The following ZEB1 variants were observed in gnomAD, a reference collection of about 807,000 sequenced individuals.
The protein encoded by ZEB1 is zinc finger E-box binding homeobox 1.
A neutral mutation model predicts 84.9 loss-of-function variants in ZEB1; 21 were observed. The ratio of observed to expected loss-of-function variants is 0.25; its 90% confidence interval spans 0.18 to 0.36. ZEB1 has a LOEUF of 0.36. Among genes scored for constraint, ZEB1 ranks in the 10% least tolerant of loss-of-function variants. The probability of loss-of-function intolerance (pLI) is 1.00; values close to 1 mark genes in which losing one functional copy is unlikely to be tolerated. For synonymous variants in ZEB1, 420 were observed against 471.1 expected, an observed-to-expected ratio of 0.89 and a Z score of 1.41; for missense variants, 1,104 against 1,330.2, an observed-to-expected ratio of 0.83 and a Z score of 2.65.
intron 1 of ZEB1, among the ~76,000 whole-genome samples, chr10:31,342,374 C>A (rs1227009404): frequency 2.6e-5 from 4 of 152,070 alleles, no homozygotes; most frequent in Non-Finnish European, 5.9e-5. Context: ...GTCTGGAGAT[C>A]TCTCTGAGGA....
At chr10:31,414,544 C>A (rs565722069) in intron 1 of ZEB1, among the ~76,000 whole-genome samples, 1 of 152,152 alleles carries the variant, frequency 6.6e-6, no homozygotes, top group Non-Finnish European at 1.5e-5. Flanking sequence ...CTACTACATG[C>A]AACTGATTAT....
intron 1 of ZEB1, among the ~76,000 whole-genome samples, chr10:31,448,985 G>A (rs1232149809): frequency 6.6e-6 from 1 of 152,224 alleles, no homozygotes; most frequent in African/African-American, 2.4e-5. Flanking sequence ...ATCAAGCCTG[G>A]GCAATGGCGG....
At chr10:31,494,590 CAT>C (rs1420641534) in intron 2 of ZEB1, among the ~76,000 whole-genome samples, 1 of 151,924 alleles carries the variant, frequency 6.6e-6, no homozygotes, top group Non-Finnish European at 1.5e-5. Context: ...TTTTGACTAA[CAT>C]AGTGCAATTT....
chr10:31,518,875 AT>A (rs1246502516), intron 6 of ZEB1, among the ~76,000 whole-genome samples: 1 of 152,182 alleles, frequency 6.6e-6, no homozygotes, highest in Non-Finnish European at 1.5e-5. Context: ...CTTATATATG[AT>A]TCTTCAAATA....
chr10:31,325,874 A>G (rs866895328), intron 1 of ZEB1, among the ~76,000 whole-genome samples: 5 of 151,540 alleles, frequency 3.3e-5, no homozygotes, highest in South Asian at 2.1e-4. Flanking sequence ...GTTACTATTC[A>G]TGCTCACGGC....
intron 1 of ZEB1, among the ~76,000 whole-genome samples, chr10:31,402,397 C>G (rs1342761446): frequency 6.6e-6 from 1 of 151,896 alleles, no homozygotes; most frequent in Non-Finnish European, 1.5e-5. Flanking sequence ...AATTGATGAT[C>G]AGGAAGAAGA....
chr10:31,511,821 C>T (rs1163850226), intron 5 of ZEB1, among the ~76,000 whole-genome samples: 1 of 151,930 alleles, frequency 6.6e-6, no homozygotes, highest in Non-Finnish European at 1.5e-5. Flanking sequence ...GCCAAACAAA[C>T]AACAAAAAAG....
intron 1 of ZEB1, among the ~76,000 whole-genome samples, chr10:31,326,407 TTTGC>T (rs1232906648): frequency 6.6e-6 from 1 of 152,176 alleles, no homozygotes; most frequent in Non-Finnish European, 1.5e-5. Flanking sequence ...ACACTTGGCT[TTTGC>T]TTTATTTGGG....
At position 31,527,452 on chromosome 10, in the gene ZEB1, C is replaced by CACAA. The variant is rs3221793; in HGVS notation, c.*189_*190insCAAA. 8.8e-6 allele frequency: 6 copies of CACAA among 682,808 alleles called. No individual in the cohort carries two copies. The highest frequency in any genetic ancestry group is 8.4e-5 in the African/African-American group (4 of 47,762). The allele number at this position is 682,808 out of a possible 1,614,324, so 42.3% of individuals were successfully genotyped here. Reference sequence around the variant, plus strand: ...ACACACACACACACACACACACACACAAAATAAATCCGGGTGTGCCTGAAC... The same window carrying CACAA: ...ACACACACACACACACACACACACACACAAAAAATAAATCCGGGTGTGCCTGAAC... On this transcript the variant is annotated 3_prime_UTR_variant, in exon 9 of 9. Coordinates refer to ENST00000424869, the MANE Select transcript of ZEB1 (RefSeq NM_001174096.2).
intron 2 of ZEB1, among the ~76,000 whole-genome samples, chr10:31,473,084 A>G (rs1402659423): frequency 6.7e-6 from 1 of 149,518 alleles, no homozygotes; most frequent in Non-Finnish European, 1.5e-5. Context: ...TATCTATGAC[A>G]GACCCACAGC....
intron 8 of ZEB1, among the ~76,000 whole-genome samples, chr10:31,525,017 A>C (rs886578723): frequency 6.6e-6 from 1 of 152,214 alleles, no homozygotes; most frequent in Non-Finnish European, 1.5e-5. Context: ...ATGTTTTTCT[A>C]TGAGGTAAGA....
At chr10:31,365,648 A>G (rs952228445) in intron 1 of ZEB1, among the ~76,000 whole-genome samples, 1 of 152,220 alleles carries the variant, frequency 6.6e-6, no homozygotes, top group African/African-American at 2.4e-5. Flanking sequence ...CATGGCCTCT[A>G]TCTTTAAGGA....
At chr10:31,428,521 A>G (rs576130574) in intron 1 of ZEB1, among the ~76,000 whole-genome samples, 26 of 152,372 alleles carry the variant, frequency 1.7e-4, no homozygotes, top group African/African-American at 6.3e-4. Context: ...GGCAATGAAA[A>G]GAATGTACAT....
chr10:31,453,174 A>C (rs2060807941), intron 1 of ZEB1, among the ~76,000 whole-genome samples: 3 of 152,190 alleles, frequency 2.0e-5, no homozygotes, highest in Admixed American at 6.5e-5. Context: ...TAAAGGCATA[A>C]CATAATAAGG....
rs936270351 is a variant in ZEB1 at position 31,421,200 on chromosome 10, G to T, written c.59-39837G>T. Among the ~76,000 whole-genome samples the T allele has an allele frequency of 1.0e-3, 152 of 152,132 alleles. 1 individual carries two copies. The highest frequency in any genetic ancestry group is 3.4e-3 in the Middle Eastern group (1 of 294). On this transcript the variant is annotated intron_variant, in intron 1 of 8. Transcript: ENST00000424869. ...TTGGGAGAACCTTACTTAGATGGGG[G>T]ACAGGCAGTTGTGTTAGTGAGTTCT...
intron 1 of ZEB1, among the ~76,000 whole-genome samples, chr10:31,444,114 G>A (rs2059431913): frequency 1.3e-5 from 2 of 151,364 alleles, no homozygotes; most frequent in African/African-American, 4.9e-5. Flanking sequence ...TCTAACTGGT[G>A]TGAGATGGTA....
intron 1 of ZEB1, among the ~76,000 whole-genome samples, chr10:31,376,668 T>C (rs1484514941): frequency 6.6e-6 from 1 of 151,716 alleles, no homozygotes; most frequent in East Asian, 1.9e-4. Flanking sequence ...GAAACCTGCA[T>C]AACTCTACTG....
chr10:31,325,425 T>C (rs1055431372), intron 1 of ZEB1, among the ~76,000 whole-genome samples: 70 of 152,228 alleles, frequency 4.6e-4, no homozygotes, highest in African/African-American at 1.6e-3. Flanking sequence ...ACACGTTCCC[T>C]CTATACATAG....
rs760893051 is a variant in ZEB1 at position 31,521,763 on chromosome 10, C to G, written c.2431C>G (p.Gln811Glu). The G allele has an allele frequency of 1.2e-6, 2 of 1,614,056 alleles. No individual in the cohort carries two copies. Among genetic ancestry groups the G allele is most frequent in the Non-Finnish European group, 1.7e-6 (2 of 1,179,992 alleles). ...INIAIPTVTAQLPTIVAIADQ... is the reference protein window; with the variant it reads ...INIAIPTVTAELPTIVAIADQ... Reference sequence around the variant, plus strand: ...TATCGCTATACCTACAGTCACTGCCCAGTTACCCACAATCGTGGCCATTGC... The same window carrying G: ...TATCGCTATACCTACAGTCACTGCCGAGTTACCCACAATCGTGGCCATTGC... The change falls in exon 7 of 9, where the codon CAG becomes GAG. Residue 811 changes from glutamine (Q) to glutamate (E), a missense_variant. Around this residue, in one of 7 missense-constraint regions of ZEB1, gnomAD observed 531 missense variants for 575.2 expected, o/e 0.92. Transcript: ENST00000424869.
Sources: allele counts gnomAD v4.1 joint callset (sites outside exome capture counted in the v4.1 genomes callset), GRCh38; gene constraint gnomAD v4.1.1; regional missense constraint gnomAD v4.1.1; transcripts MANE v1.5; gene names NCBI Gene and HGNC (gene_info 2026-07-23, HGNC 2026-07-21).